Variants in ENTHD1 observed in about 807,000 individuals in gnomAD.
The protein encoded by ENTHD1 is ENTH domain containing 1, also known as ENTH domain-containing protein 1.
A neutral mutation model predicts 39.1 loss-of-function variants in ENTHD1; 23 were observed. That is an observed-to-expected ratio of 0.59 (90% CI 0.42 to 0.83). The LOEUF (loss-of-function observed/expected upper bound fraction) is 0.83. Among genes scored for constraint, ENTHD1 ranks in the 40% least tolerant of loss-of-function variants. ENTHD1 has a pLI of 0.00. For synonymous variants in ENTHD1, 230 were observed against 258.2 expected, an observed-to-expected ratio of 0.89 and a Z score of 1.05; for missense variants, 624 against 705.4, an observed-to-expected ratio of 0.88 and a Z score of 1.31.
rs776974725 is a variant in ENTHD1, at chr22:39,821,015, T to A, written c.810A>T (p.Glu270Asp). Residue 270 changes from glutamate (E) to aspartate (D), a missense_variant, in exon 5 of 7, where the codon GAA becomes GAT. By Grantham distance (45) the Glu-to-Asp change is conservative. Transcript: ENST00000325157. ...TACCTGCACCCGAAAGATTACAAAC[T>A]TCTTCTGCTTCTGACAAGCAAGTGA... ...SPITCLSEAE[E>D]VCNLSGADAV... is the part of the protein sequence containing the mutation. The A allele has an allele frequency of 1.9e-6, 3 of 1,613,352 alleles. No homozygotes were observed. The South Asian group carries it at 3.3e-5, about 18-fold the overall frequency.
chr22:39,811,223 C>T (rs1316764245), intron 5 of ENTHD1, among the ~76,000 whole-genome samples: 3 of 152,216 alleles, frequency 2.0e-5, no homozygotes, highest in Admixed American at 2.0e-4. Flanking sequence ...ACATGATAAT[C>T]ATGGGCCTCT....
chr22:39,769,098 ATATGTACACATATACACACCGGTG>A (rs1471736617), intron 5 of ENTHD1, among the ~76,000 whole-genome samples: 1 of 152,194 alleles, frequency 6.6e-6, no homozygotes, highest in Non-Finnish European at 1.5e-5. Flanking sequence ...AAACTTGTGT[ATATGTACACATATACACACCGGTG>A]TATGTACAAT....
At chr22:39,798,235 C>T (rs1395822175) in intron 5 of ENTHD1, among the ~76,000 whole-genome samples, 1 of 151,850 alleles carries the variant, frequency 6.6e-6, no homozygotes, top group Non-Finnish European at 1.5e-5. Flanking sequence ...ATTGTTGAAG[C>T]TCTTTAATAA....
At chr22:39,815,576 C>A (rs1381898799) in intron 5 of ENTHD1, among the ~76,000 whole-genome samples, 1 of 152,128 alleles carries the variant, frequency 6.6e-6, no homozygotes, top group East Asian at 1.9e-4. Flanking sequence ...TCTGGCATTA[C>A]CTAGCAAATT....
intron 2 of ENTHD1, among the ~76,000 whole-genome samples, chr22:39,870,812 G>A (rs932484400): frequency 1.3e-5 from 2 of 152,188 alleles, no homozygotes; most frequent in African/African-American, 2.4e-5. Context: ...ATGGCAGTGT[G>A]ACAGGGCTAC....
rs1232665432 is a variant in ENTHD1 at position 39,867,410 on chromosome 22, CTCT to C, written c.350-5406_350-5404del. Among the ~76,000 whole-genome samples the C allele has an allele frequency of 6.6e-6, 1 of 152,006 alleles. No homozygotes were observed. The highest frequency in any genetic ancestry group is 1.9e-4 in the East Asian group (1 of 5,194). Reference sequence around the variant, plus strand: ...TGACCTACTGCCCTACCAAAATCTACTCTTCTTCCCATATTCCTTTCTCGGTGA... The same window carrying C: ...TGACCTACTGCCCTACCAAAATCTACTCTTCCCATATTCCTTTCTCGGTGA... On this transcript the variant is annotated intron_variant, in intron 2 of 6. Transcript: ENST00000325157. The surrounding 1 kb of genome is among the most constrained non-coding windows in gnomAD (Gnocchi z 4.5).
At chr22:39,878,564 A>G (rs138795928) in intron 2 of ENTHD1, among the ~76,000 whole-genome samples, 82 of 152,208 alleles carry the variant, frequency 5.4e-4, no homozygotes, top group African/African-American at 1.9e-3. Flanking sequence ...GAACAAAGAT[A>G]AGAATTACAT....
chr22:39,751,832 G>A (rs1053059054), intron 6 of ENTHD1, among the ~76,000 whole-genome samples: 2 of 152,100 alleles, frequency 1.3e-5, no homozygotes, highest in Non-Finnish European at 2.9e-5. Context: ...AAAGAATCTT[G>A]ACAAGTTTTG....
intron 5 of ENTHD1, among the ~76,000 whole-genome samples, chr22:39,803,969 G>A (rs1194883800): frequency 6.6e-6 from 1 of 151,936 alleles, no homozygotes; most frequent in Non-Finnish European, 1.5e-5. Flanking sequence ...TGAGACCAGT[G>A]TAAACAACAT....
intron 5 of ENTHD1, among the ~76,000 whole-genome samples, chr22:39,772,487 T>C (rs1281116264): frequency 1.3e-5 from 2 of 152,190 alleles, no homozygotes; most frequent in African/African-American, 4.8e-5. Context: ...CCTAAAGGTG[T>C]ATAATTTAAT....
At chr22:39,770,369 G>A (rs939013359) in intron 5 of ENTHD1, among the ~76,000 whole-genome samples, 3 of 152,088 alleles carry the variant, frequency 2.0e-5, no homozygotes, top group East Asian at 3.9e-4. Flanking sequence ...CCACTCCATC[G>A]GTGGAGAAGA....
intron 3 of ENTHD1, among the ~76,000 whole-genome samples, chr22:39,838,562 T>C (rs2065922406): frequency 6.6e-6 from 1 of 152,130 alleles, no homozygotes. Flanking sequence ...TGCTGAGCCC[T>C]GCTTGTAGCT....
chr22:39,819,944 C>A (rs1052781482), intron 5 of ENTHD1, among the ~76,000 whole-genome samples: 16 of 152,160 alleles, frequency 1.1e-4, no homozygotes, highest in African/African-American at 3.9e-4. Flanking sequence ...TAATGCTCTT[C>A]TTTCAAGCTT....
intron 1 of ENTHD1, among the ~76,000 whole-genome samples, chr22:39,889,492 T>G (rs2066409141): frequency 6.6e-6 from 1 of 152,202 alleles, no homozygotes; most frequent in African/African-American, 2.4e-5. Flanking sequence ...TTTCAAGCCC[T>G]GACGAACATC....
chr22:39,786,057 A>G (rs1040815756), intron 5 of ENTHD1, among the ~76,000 whole-genome samples: 1 of 151,900 alleles, frequency 6.6e-6, no homozygotes, highest in Non-Finnish European at 1.5e-5. Flanking sequence ...AAAATGAACC[A>G]CGCCCATAGT....
chr22:39,798,978 C>T lies in ENTHD1; in HGVS notation c.832+22015G>A, dbSNP rs1394470946. On this transcript the variant is annotated intron_variant, in intron 5 of 6. Transcript: ENST00000325157. ...TCCTCAGGCCCCCAGAGGGAATGCACAGATGCCAGCTATGATGGACAGGGC... is the reference window on the plus strand; with the variant it reads ...TCCTCAGGCCCCCAGAGGGAATGCATAGATGCCAGCTATGATGGACAGGGC... Among the ~76,000 whole-genome samples, 4 of 152,208 alleles carry T rather than the reference C, an allele frequency of 2.6e-5. No individual in the cohort carries two copies. The East Asian group carries it at 7.7e-4, about 29-fold the overall frequency.
intron 5 of ENTHD1, among the ~76,000 whole-genome samples, chr22:39,771,719 A>G (rs2065326980): frequency 6.6e-6 from 1 of 152,180 alleles, no homozygotes; most frequent in Admixed American, 6.5e-5. Flanking sequence ...AAAACTGTCA[A>G]TGCAGAATTC....
chr22:39,744,594 G>A (rs2065089091), intron 6 of ENTHD1, among the ~76,000 whole-genome samples: 1 of 152,124 alleles, frequency 6.6e-6, no homozygotes. Context: ...ATCAGAGAGA[G>A]TAGAAAAGTA....
chr22:39,811,718 G>A (rs1255533215), intron 5 of ENTHD1, among the ~76,000 whole-genome samples: 2 of 152,090 alleles, frequency 1.3e-5, no homozygotes, highest in African/African-American at 4.8e-5. Context: ...GATGGCTCAC[G>A]CCTGTAATCC....
Sources: allele counts gnomAD v4.1 joint callset (sites outside exome capture counted in the v4.1 genomes callset), GRCh38; gene constraint gnomAD v4.1.1; non-coding constraint Gnocchi (gnomAD v3.1); transcripts MANE v1.5; gene names NCBI Gene and HGNC (gene_info 2026-07-23, HGNC 2026-07-21).